The following ZFHX3 variants were observed in gnomAD, a reference collection of about 807,000 sequenced individuals.
ZFHX3 encodes zinc finger homeobox protein 3.
ZFHX3 carries 42 observed loss-of-function variants against 279.1 expected under a neutral mutation model. The observed-to-expected ratio is 0.15, with a 90% CI of 0.12 to 0.19. ZFHX3 has a LOEUF of 0.19. Among genes scored for constraint, ZFHX3 ranks in the 10% least tolerant of loss-of-function variants. The pLI is 1.00. For missense variants in ZFHX3, 4,981 were observed against 4,754.0 expected, an observed-to-expected ratio of 1.05 and a Z score of -1.40; for synonymous variants, 2,293 against 1,957.8, an observed-to-expected ratio of 1.17 and a Z score of -4.52.
At chr16:73,798,466 A>G (rs544941682) in intron 1 of ZFHX3, among the ~76,000 whole-genome samples, 2 of 151,588 alleles carry the variant, frequency 1.3e-5, no homozygotes, top group African/African-American at 4.8e-5. Context: ...GAGGAGAGAT[A>G]CCCCCCAAAA....
intron 2 of ZFHX3, among the ~76,000 whole-genome samples, chr16:73,477,072 A>C (rs75876171): frequency 6.6e-6 from 1 of 152,236 alleles, no homozygotes; most frequent in Admixed American, 6.5e-5. Context: ...GAAGAAAAAA[A>C]TTTTAGAAAT....
chr16:73,168,212 T>TTTC (rs1483622819), intron 5 of ZFHX3, among the ~76,000 whole-genome samples: 1 of 17,718 alleles, frequency 5.6e-5, no homozygotes, highest in Admixed American at 6.8e-4. Context: ...TTTCTTTTGT[T>TTTC]TTCTTTCTTT....
rs755768603 is a variant in ZFHX3, at chr16:72,797,340, G to C, written c.5342C>G (p.Pro1781Arg). 6.2e-7 allele frequency: 1 copy of C among 1,601,266 alleles called. No individual in the cohort carries two copies. Among genetic ancestry groups the C allele is most frequent in the African/African-American group, 1.3e-5 (1 of 74,654 alleles). ...LFNPTLLPHF[P>R]MTTETLLQLQ... is the part of the protein sequence containing the mutation. ...TTGCAGCAGGGTCTCAGTTGTCATG[G>C]GGAAGTGAGGAAGGAGGGTGGGGTT... Residue 1781 changes from proline (P) to arginine (R), a missense_variant, in exon 9 of 10, where the codon CCC becomes CGC. Around this residue, in one of 7 missense-constraint regions of ZFHX3, gnomAD observed 1,751 missense variants for 1,770.0 expected, o/e 0.99. Transcript: ENST00000268489.
intron 2 of ZFHX3, among the ~76,000 whole-genome samples, chr16:73,565,000 C>T (rs137990982): frequency 7.9e-5 from 12 of 152,042 alleles, no homozygotes; most frequent in Non-Finnish European, 1.2e-4. Flanking sequence ...TGCCTGTAAT[C>T]CTACCATTTT....
intron 5 of ZFHX3, among the ~76,000 whole-genome samples, chr16:73,227,383 C>A (rs1302042216): frequency 2.6e-5 from 4 of 152,140 alleles, no homozygotes; most frequent in Admixed American, 2.6e-4. Flanking sequence ...GAGTGCAGAA[C>A]TTTCTACTTA....
Position 73,002,689 on chromosome 16 carries a change from G to T in ZFHX3, c.-49-42495C>A, listed in dbSNP as rs556387436. ...ACAGTAAATATCATAAATAATTAAAGCTAAGTAGCCTAAGGACATTTTGTG... is the reference window on the plus strand; with the variant it reads ...ACAGTAAATATCATAAATAATTAAATCTAAGTAGCCTAAGGACATTTTGTG... On this transcript the variant is annotated intron_variant, in intron 1 of 9. Transcript: ENST00000268489. Among the ~76,000 whole-genome samples, 8 of 152,120 alleles carry T rather than the reference G, an allele frequency of 5.3e-5. No individual in the cohort carries two copies. The South Asian group carries it at 1.7e-3, about 32-fold the overall frequency.
At chr16:73,559,475 T>G (rs1158097075) in intron 2 of ZFHX3, among the ~76,000 whole-genome samples, 2 of 152,152 alleles carry the variant, frequency 1.3e-5, no homozygotes, top group African/African-American at 4.8e-5. Flanking sequence ...AGATCTTCTC[T>G]CAGGCCTGTT....
chr16:73,472,519 TC>T (rs1206477866), intron 2 of ZFHX3, among the ~76,000 whole-genome samples: 1 of 152,144 alleles, frequency 6.6e-6, no homozygotes, highest in African/African-American at 2.4e-5. Context: ...AGAAATAGCC[TC>T]TTGAGTTTTG....
At chr16:73,406,494 AAAGACATACCC>A in intron 3 of ZFHX3, among the ~76,000 whole-genome samples, 1 of 152,206 alleles carries the variant, frequency 6.6e-6, no homozygotes, top group Non-Finnish European at 1.5e-5. Flanking sequence ...GTTTCATCCT[AAAGACATACCC>A]ATTTTGGCAG....
At chr16:73,832,453 A>G (rs1961023372) in intron 1 of ZFHX3, among the ~76,000 whole-genome samples, 1 of 152,256 alleles carries the variant, frequency 6.6e-6, no homozygotes, top group African/African-American at 2.4e-5. Flanking sequence ...AAAAAAGCAT[A>G]AGACATAAAA....
At chr16:73,497,472 C>T (rs554092404) in intron 2 of ZFHX3, among the ~76,000 whole-genome samples, 5 of 152,060 alleles carry the variant, frequency 3.3e-5, no homozygotes, top group Non-Finnish European at 5.9e-5. Flanking sequence ...AGTTTGAGAC[C>T]AGCCTGGGCA....
intron 3 of ZFHX3, among the ~76,000 whole-genome samples, chr16:73,389,928 C>T (rs947106064): frequency 5.9e-5 from 9 of 152,074 alleles, no homozygotes; most frequent in African/African-American, 1.2e-4. Flanking sequence ...GGTGTGGTGG[C>T]GCACGCCTGT....
intron 4 of ZFHX3, chr16:73,294,026 G>T (rs558478015): frequency 7.2e-6 from 1 of 138,782 alleles, no homozygotes; most frequent in African/African-American, 2.8e-5. Context: ...ACAAAGCTCA[G>T]TATTGAAACT....
chr16:73,095,711 G>A (rs1032951203), intron 7 of ZFHX3, among the ~76,000 whole-genome samples: 1 of 152,098 alleles, frequency 6.6e-6, no homozygotes, highest in African/African-American at 2.4e-5. Flanking sequence ...ATGCCATTTG[G>A]TAATCATTTT....
intron 1 of ZFHX3, among the ~76,000 whole-genome samples, chr16:73,018,917 C>A (rs1056624375): frequency 1.3e-5 from 2 of 152,146 alleles, no homozygotes; most frequent in Non-Finnish European, 2.9e-5. Flanking sequence ...AGTGTTGGGG[C>A]TCAAGCTTCC....
intron 1 of ZFHX3, among the ~76,000 whole-genome samples, chr16:73,720,188 T>C (rs1023792339): frequency 6.6e-6 from 1 of 152,202 alleles, no homozygotes; most frequent in Non-Finnish European, 1.5e-5. Context: ...CAATCTCTAG[T>C]GTGGAAAAAG....
At chr16:73,699,108 C>G (rs921790295) in intron 1 of ZFHX3, among the ~76,000 whole-genome samples, 2 of 152,162 alleles carry the variant, frequency 1.3e-5, no homozygotes, top group Non-Finnish European at 2.9e-5. Flanking sequence ...TGGTCTCAGT[C>G]TCCTGACTTC....
chr16:73,509,503 T>A (rs1042993063), intron 2 of ZFHX3, among the ~76,000 whole-genome samples: 2 of 149,394 alleles, frequency 1.3e-5, no homozygotes, highest in Non-Finnish European at 2.9e-5. Context: ...CCAGACAGTT[T>A]AGCTTTCTTT....
chr16:73,730,965 AG>A (rs1422608969), intron 1 of ZFHX3, among the ~76,000 whole-genome samples: 1 of 152,200 alleles, frequency 6.6e-6, no homozygotes, highest in African/African-American at 2.4e-5. Flanking sequence ...ACAGCCGAGG[AG>A]GAAGAGTGAA....
Sources: allele counts gnomAD v4.1 joint callset (sites outside exome capture counted in the v4.1 genomes callset), GRCh38; gene constraint gnomAD v4.1.1; regional missense constraint gnomAD v4.1.1; transcripts MANE v1.5; gene names NCBI Gene and HGNC (gene_info 2026-07-23, HGNC 2026-07-21).